NEDD4: variants seen among roughly 807,000 people sequenced by gnomAD.
NEDD4 encodes NEDD4 E3 ubiquitin protein ligase.
NEDD4 carries 99 observed loss-of-function variants against 144.9 expected under a neutral mutation model. That is an observed-to-expected ratio of 0.68 (90% CI 0.58 to 0.81). NEDD4 has a LOEUF of 0.81. Among genes scored for constraint, NEDD4 ranks in the 30% least tolerant of loss-of-function variants. The pLI is 0.00. For missense variants in NEDD4, 985 were observed against 1,065.9 expected, an observed-to-expected ratio of 0.92 and a Z score of 1.06; for synonymous variants, 318 against 350.6, an observed-to-expected ratio of 0.91 and a Z score of 1.04.
chr15:55,884,874 T>C (rs1314196300), intron 5 of NEDD4, among the ~76,000 whole-genome samples: 2 of 152,026 alleles, frequency 1.3e-5, no homozygotes, highest in South Asian at 2.1e-4. Context: ...GAGATTGAAG[T>C]AGAAAGTTTA....
intron 17 of NEDD4, among the ~76,000 whole-genome samples, chr15:55,847,676 C>CTTTTTTTTTTTTT (rs149696600): frequency 8.8e-6 from 1 of 113,590 alleles, no homozygotes; most frequent in Non-Finnish European, 1.9e-5. Flanking sequence ...TTTCTTTTTC[C>CTTTTTTTTTTTTT]TTTTTTTTTT....
intron 1 of NEDD4, among the ~76,000 whole-genome samples, chr15:55,981,345 G>T (rs1297718220): frequency 6.6e-6 from 1 of 150,846 alleles, no homozygotes; most frequent in Non-Finnish European, 1.5e-5. Context: ...GATTACAGGT[G>T]TGAGCCACCA....
chr15:55,935,845 C>CAA lies in NEDD4; in HGVS notation c.238-11148_238-11147dup, dbSNP rs35215537. Among the ~76,000 whole-genome samples the CAA allele has an allele frequency of 1.1e-3, 86 of 78,228 alleles. 1 individual carries two copies. The highest frequency in any genetic ancestry group is 8.2e-3 in the Middle Eastern group (1 of 122). 51.3% of individuals were successfully genotyped at this position (78,228 alleles called of 152,430 possible). ...CTGGCGACAGAGTGAGACTCTGTTT[C>CAA]AAAAAAAAAAAAAAAAAAAAGATAC... On this transcript the variant is annotated intron_variant, in intron 4 of 28. Coordinates refer to ENST00000435532, the MANE Select transcript of NEDD4 (RefSeq NM_006154.4).
At chr15:55,953,417 G>A (rs1371322358) in intron 2 of NEDD4, among the ~76,000 whole-genome samples, 1 of 151,692 alleles carries the variant, frequency 6.6e-6, no homozygotes, top group Non-Finnish European at 1.5e-5. Context: ...GGCTCCAGAG[G>A]CCATACTCTT....
In NEDD4 at chr15:55,935,583, C is replaced by T. The variant is rs550553995; in HGVS notation, c.238-10884G>A. On this transcript the variant is annotated intron_variant, in intron 4 of 28. Coordinates refer to ENST00000435532, the MANE Select transcript of NEDD4 (RefSeq NM_006154.4). Reference sequence around the variant, plus strand: ...TCAGCAAAGGCTGGGCGTGGTGGCTCATGCCTGTAATCCTAGCACTTTGGG... The same window carrying T: ...TCAGCAAAGGCTGGGCGTGGTGGCTTATGCCTGTAATCCTAGCACTTTGGG... 3.0e-4 allele frequency among the ~76,000 whole-genome samples: 46 copies of T among 152,152 alleles called. No homozygotes were observed. In the East Asian group the frequency reaches 6.8e-3, roughly 22 times the overall value.
intron 2 of NEDD4, among the ~76,000 whole-genome samples, chr15:55,955,945 A>G (rs1164925695): frequency 1.3e-5 from 2 of 151,146 alleles, no homozygotes; most frequent in African/African-American, 4.9e-5. Flanking sequence ...CCTCCTGAGT[A>G]GCTGGGACCA....
Position 55,940,518 on chromosome 15 carries a change from T to TTCTCTCTCTCTCTC in NEDD4, c.237+10844_237+10857dup, listed in dbSNP as rs60338644. Among the ~76,000 whole-genome samples the TTCTCTCTCTCTCTC allele has an allele frequency of 4.5e-4, 48 of 106,296 alleles. 2 individuals are homozygous for TTCTCTCTCTCTCTC. The highest frequency in any genetic ancestry group is 2.1e-3 in the East Asian group (7 of 3,300). 69.7% of individuals were successfully genotyped at this position (106,296 alleles called of 152,430 possible). On this transcript the variant is annotated intron_variant, in intron 4 of 28. Transcript: ENST00000435532. ...CTCCTTCCTCCTTCCCTCCTCCCCC[T>TTCTCTCTCTCTCTC]TCTCTCTCTCTCTCTCTCTCTCTCT...
At chr15:55,967,104 C>T (rs1452857939) in intron 1 of NEDD4, among the ~76,000 whole-genome samples, 3 of 152,158 alleles carry the variant, frequency 2.0e-5, no homozygotes, top group Admixed American at 6.5e-5. Flanking sequence ...GGGCTGGTCT[C>T]GAACTCCTGA....
intron 5 of NEDD4, among the ~76,000 whole-genome samples, chr15:55,885,888 CA>C (rs1459325274): frequency 6.6e-6 from 1 of 151,252 alleles, no homozygotes; most frequent in Non-Finnish European, 1.5e-5. Context: ...ACGCTCCAAT[CA>C]AAAGACATAC....
At chr15:55,934,502 A>G (rs375213194) in intron 4 of NEDD4, among the ~76,000 whole-genome samples, 1 of 152,236 alleles carries the variant, frequency 6.6e-6, no homozygotes, top group African/African-American at 2.4e-5. Flanking sequence ...GTATTTTCAT[A>G]AGCATAAAAC....
chr15:55,896,835 T>C (rs1254639581), intron 5 of NEDD4, among the ~76,000 whole-genome samples: 1 of 152,138 alleles, frequency 6.6e-6, no homozygotes, highest in Non-Finnish European at 1.5e-5. Flanking sequence ...TATAGCCCAA[T>C]GTGCCTTACC....
chr15:55,906,628 G>C (rs2036105489), intron 5 of NEDD4, among the ~76,000 whole-genome samples: 1 of 147,798 alleles, frequency 6.8e-6, no homozygotes, highest in African/African-American at 2.5e-5. Flanking sequence ...ACCGGGGCCT[G>C]TTGTGGGGTG....
At chr15:55,985,218 G>C (rs990889887) in intron 1 of NEDD4, among the ~76,000 whole-genome samples, 1 of 152,184 alleles carries the variant, frequency 6.6e-6, no homozygotes, top group Non-Finnish European at 1.5e-5. Flanking sequence ...ACCTATAAAA[G>C]AAATTATAGT....
At chr15:55,876,862 T>C (rs2035012213) in intron 5 of NEDD4, among the ~76,000 whole-genome samples, 1 of 152,072 alleles carries the variant, frequency 6.6e-6, no homozygotes, top group Non-Finnish European at 1.5e-5. Flanking sequence ...TTTTTCACTT[T>C]TTTTTTCTTT....
intron 5 of NEDD4, 110 bp from the exon 6 acceptor site, chr15:55,874,118 C>A: frequency 1.9e-6 from 1 of 530,238 alleles, no homozygotes; most frequent in South Asian, 3.6e-5. Context: ...TTTTTTTATT[C>A]AGTCATATGC....
intron 5 of NEDD4, among the ~76,000 whole-genome samples, chr15:55,885,554 AAGTT>A (rs1476879439): frequency 3.9e-5 from 6 of 152,170 alleles, no homozygotes; most frequent in Admixed American, 2.6e-4. Context: ...CAAGAGGACA[AAGTT>A]AGAGTTTTTA....
intron 1 of NEDD4, among the ~76,000 whole-genome samples, chr15:55,976,288 C>CA (rs1221901906): frequency 6.6e-5 from 10 of 152,236 alleles, no homozygotes; most frequent in African/African-American, 2.4e-4. Flanking sequence ...AGTTAGGAGA[C>CA]AGACCACAGA....
chr15:55,830,612 C>A, intron 27 of NEDD4, 26 bp from the exon 28 acceptor site: 1 of 1,598,406 alleles, frequency 6.3e-7, no homozygotes, highest in African/African-American at 1.3e-5. Context: ...TATTTGGTTT[C>A]ATTTACTCTC....
At chr15:55,915,087 G>A (rs1187945586) in intron 5 of NEDD4, among the ~76,000 whole-genome samples, 2 of 151,880 alleles carry the variant, frequency 1.3e-5, no homozygotes, top group African/African-American at 4.8e-5. Context: ...TTGTACACTG[G>A]TAAAATAACA....
Sources: gnomAD v4.1 joint callset for allele counts (sites outside exome capture counted in the v4.1 genomes callset) on GRCh38, gnomAD v4.1.1 for gene constraint, MANE v1.5 for transcripts, NCBI Gene and HGNC (gene_info 2026-07-23, HGNC 2026-07-21) for gene names.